FER: variants seen among roughly 807,000 people sequenced by gnomAD.
The protein encoded by FER is FER tyrosine kinase, also known as tyrosine-protein kinase Fer.
In FER, 63 loss-of-function variants were observed where a neutral mutation model predicts 111.0. That is an observed-to-expected ratio of 0.57 (90% CI 0.46 to 0.70). The LOEUF (loss-of-function observed/expected upper bound fraction) is 0.70. Among genes scored for constraint, FER ranks in the 30% least tolerant of loss-of-function variants. The pLI, the probability that FER is intolerant of heterozygous loss-of-function variation, is 0.00. For missense variants in FER, 914 were observed against 954.0 expected, an observed-to-expected ratio of 0.96 and a Z score of 0.55; for synonymous variants, 327 against 313.9, an observed-to-expected ratio of 1.04 and a Z score of -0.44.
chr5:109,050,783 G>T (rs1324033082), intron 16 of FER, among the ~76,000 whole-genome samples: 2 of 152,112 alleles, frequency 1.3e-5, no homozygotes, highest in Non-Finnish European at 2.9e-5. Flanking sequence ...ACACCTGGAG[G>T]GTCAGGCCTA....
At chr5:108,988,519 C>G (rs1286132889) in intron 13 of FER, among the ~76,000 whole-genome samples, 1 of 152,046 alleles carries the variant, frequency 6.6e-6, no homozygotes. Flanking sequence ...TAGGAGGGTC[C>G]TTTATTTCCA....
rs141430835 is a variant in FER at position 109,188,919 on chromosome 5, G to GCA, written c.*1352_*1353dup. ...CACATTCACGTGTGTACATGCGCGT[G>GCA]CACACACACCACCAAGGTGCAAGAC... On this transcript the variant is annotated 3_prime_UTR_variant, in exon 20 of 20. Coordinates refer to ENST00000281092, the MANE Select transcript of FER (RefSeq NM_005246.4). 0.11 allele frequency: 16,099 copies of GCA among 152,132 alleles called. 869 individuals carry two copies. Among genetic ancestry groups the GCA allele is most frequent in the Middle Eastern group, 0.17 (50 of 292 alleles). The allele number at this position is 152,132 out of a possible 1,614,324, so 9.4% of individuals were successfully genotyped here. A position where few individuals can be genotyped will look rare whatever the true frequency, so the allele number is the denominator to read the frequency against.
chr5:108,789,945 T>C (rs1255279460), intron 2 of FER, among the ~76,000 whole-genome samples: 1 of 152,164 alleles, frequency 6.6e-6, no homozygotes, highest in Non-Finnish European at 1.5e-5. Context: ...AACATTGTTA[T>C]TACAATGCAT....
intron 13 of FER, 64 bp from the exon 14 acceptor site, chr5:109,037,358 A>G: frequency 7.1e-7 from 1 of 1,410,724 alleles, no homozygotes; most frequent in Non-Finnish European, 1.0e-6. Flanking sequence ...CCACTGGCTC[A>G]AATGCAACTT....
intron 16 of FER, among the ~76,000 whole-genome samples, chr5:109,050,738 C>A (rs1258382179): frequency 1.3e-5 from 2 of 151,948 alleles, no homozygotes. Context: ...AAACTGATAC[C>A]AAGAATAAAA....
At chr5:108,789,522 A>G (rs187024290) in intron 2 of FER, among the ~76,000 whole-genome samples, 1 of 152,276 alleles carries the variant, frequency 6.6e-6, no homozygotes, top group Non-Finnish European at 1.5e-5. Flanking sequence ...TCCAGCTTTA[A>G]TTAACTTGCA....
chr5:109,060,554 T>C (rs1163986363), intron 16 of FER, among the ~76,000 whole-genome samples: 1 of 151,886 alleles, frequency 6.6e-6, no homozygotes, highest in Admixed American at 6.6e-5. Flanking sequence ...CGTGGTGGTG[T>C]GTGCCTGTAG....
At chr5:109,173,159 A>G (rs146560689) in intron 17 of FER, among the ~76,000 whole-genome samples, 1 of 152,366 alleles carries the variant, frequency 6.6e-6, no homozygotes, top group East Asian at 1.9e-4. Flanking sequence ...AGGAAATGAG[A>G]TAAAAGATCC....
At chr5:108,877,623 C>T (rs184683039) in intron 8 of FER, among the ~76,000 whole-genome samples, 2 of 152,186 alleles carry the variant, frequency 1.3e-5, no homozygotes, top group African/African-American at 4.8e-5. Context: ...ATTTATATTG[C>T]AACAATAGAG....
In FER at chr5:108,879,701, A is replaced by ATATATATATATAT. The variant is rs1554084619; in HGVS notation, c.924-3695_924-3694insTATATATATATAT. On this transcript the variant is annotated intron_variant, in intron 8 of 19. Transcript: ENST00000281092. Reference sequence around the variant, plus strand: ...ATGTATTTTTTTTAGATTAAAAAAAAATATATATATATATATATATATATT... The same window carrying ATATATATATATAT: ...ATGTATTTTTTTTAGATTAAAAAAAATATATATATATATATATATATATATATATATATATATT... Among the ~76,000 whole-genome samples the ATATATATATATAT allele has an allele frequency of 3.1e-3, 303 of 99,036 alleles. 3 individuals are homozygous for ATATATATATATAT. The highest frequency in any genetic ancestry group is 0.013 in the African/African-American group (262 of 20,846). The allele number at this position is 99,036 out of a possible 152,430, so 65.0% of individuals were successfully genotyped here. A position where few individuals can be genotyped will look rare whatever the true frequency, so the allele number is the denominator to read the frequency against.
At chr5:108,981,307 A>G (rs73778370) in intron 13 of FER, among the ~76,000 whole-genome samples, 1,759 of 152,156 alleles carry the variant, frequency 0.012, 25 homozygotes, top group African/African-American at 0.04. Flanking sequence ...ATTAGGAGAC[A>G]TTTGCAAAGC....
chr5:108,825,223 C>G (rs2150114763), intron 3 of FER, among the ~76,000 whole-genome samples: 1 of 152,298 alleles, frequency 6.6e-6, no homozygotes, highest in East Asian at 1.9e-4. Context: ...GGAATTTCCT[C>G]TTCCTAATAA....
rs528621549 is a variant in FER, at chr5:109,003,708, G to T, written c.1657-33714G>T. ...AAATTAAAAAATTATAGCCAGGCATGGTTTCTCTTACATGTAATCCCAGCA... is the reference window on the plus strand; with the variant it reads ...AAATTAAAAAATTATAGCCAGGCATTGTTTCTCTTACATGTAATCCCAGCA... On this transcript the variant is annotated intron_variant, in intron 13 of 19. Transcript: ENST00000281092. Among the ~76,000 whole-genome samples, 14 of 152,140 alleles carry T rather than the reference G, an allele frequency of 9.2e-5. No individual in the cohort carries two copies. The South Asian group carries it at 1.9e-3, about 20-fold the overall frequency.
chr5:108,847,148 C>T (rs116749968), intron 5 of FER, among the ~76,000 whole-genome samples: 2,190 of 149,074 alleles, frequency 0.015, 13 homozygotes, highest in Non-Finnish European at 0.022. Flanking sequence ...TCTAAAGTTC[C>T]TTAAATACTT....
At chr5:109,076,470 C>A (rs1776359107) in intron 16 of FER, among the ~76,000 whole-genome samples, 1 of 152,086 alleles carries the variant, frequency 6.6e-6, no homozygotes, top group Admixed American at 6.6e-5. Context: ...TGCTCTGTCG[C>A]CAGGCTTGGA....
intron 12 of FER, among the ~76,000 whole-genome samples, chr5:108,958,795 A>G (rs559427811): frequency 6.6e-6 from 1 of 151,798 alleles, no homozygotes; most frequent in Non-Finnish European, 1.5e-5. Context: ...CTTTCCTTAT[A>G]TTTTTGACAT....
Position 109,195,592 on chromosome 5 carries a change from T to C in FER, c.*8017T>C, listed in dbSNP as rs978287020. 3.9e-5 allele frequency: 6 copies of C among 152,202 alleles called. No homozygotes were observed. In the East Asian group the frequency reaches 1.2e-3, roughly 29 times the overall value. 9.4% of individuals were successfully genotyped at this position (152,202 alleles called of 1,614,324 possible). A position where few individuals can be genotyped will look rare whatever the true frequency, so the allele number is the denominator to read the frequency against. On this transcript the variant is annotated 3_prime_UTR_variant, in exon 20 of 20. Coordinates refer to ENST00000281092, the MANE Select transcript of FER (RefSeq NM_005246.4). ...AAGGGGAACTGGTCGAGAGGGGTCT[T>C]AGTTATTTCAAATCCATGACCAAAG...
chr5:108,844,119 C>CATATATGTGTGTGA (rs1309704289), intron 5 of FER, among the ~76,000 whole-genome samples: 111 of 94,652 alleles, frequency 1.2e-3, no homozygotes, highest in African/African-American at 3.8e-3. Flanking sequence ...TGTGTGTGAA[C>CATATATGTGTGTGA]ACATATATGT....
At chr5:109,010,709 C>G (rs1445829129) in intron 13 of FER, among the ~76,000 whole-genome samples, 1 of 151,998 alleles carries the variant, frequency 6.6e-6, no homozygotes, top group African/African-American at 2.4e-5. Context: ...ATTTTTGTAC[C>G]TTTTCTTACC....
Sources: gnomAD v4.1 joint callset for allele counts (sites outside exome capture counted in the v4.1 genomes callset) on GRCh38, gnomAD v4.1.1 for gene constraint, MANE v1.5 for transcripts, NCBI Gene and HGNC (gene_info 2026-07-23, HGNC 2026-07-21) for gene names.